Variants in KAZN observed in about 807,000 individuals in gnomAD.
The protein encoded by KAZN is kazrin, periplakin interacting protein.
KAZN carries 40 observed loss-of-function variants against 87.4 expected under a neutral mutation model. The observed-to-expected ratio is 0.46, with a 90% confidence interval of 0.36 to 0.60. The LOEUF (loss-of-function observed/expected upper bound fraction) is 0.60, where lower values mean the gene tolerates loss of function less well. KAZN is among the 20% of genes least tolerant of loss of function. The probability of loss-of-function intolerance (pLI) is 0.00; values close to 1 mark genes in which losing one functional copy is unlikely to be tolerated. For synonymous variants in KAZN, 466 were observed against 458.3 expected (o/e 1.02, Z -0.22); for missense variants, 898 against 1,073.9 (o/e 0.84, Z 2.29).
At chr1:14,369,079 G>A (rs908091837) in intron 2 of KAZN, among the ~76,000 whole-genome samples, 3 of 152,218 alleles carry the variant, frequency 2.0e-5, no homozygotes, top group African/African-American at 7.2e-5. Context: ...GCAACTGCTA[G>A]AGATGGAAGG....
chr1:14,100,818 A>G (rs150183132), intron 1 of KAZN, among the ~76,000 whole-genome samples: 1 of 152,092 alleles, frequency 6.6e-6, no homozygotes, highest in Non-Finnish European at 1.5e-5. Flanking sequence ...TTGAATTCCC[A>G]TGTGTTTGTG....
intron 2 of KAZN, among the ~76,000 whole-genome samples, chr1:14,419,291 CAA>C (rs1393898947): frequency 6.6e-6 from 1 of 152,122 alleles, no homozygotes; most frequent in Non-Finnish European, 1.5e-5. Flanking sequence ...TCATAAAGCG[CAA>C]AAGAAAGAAA....
chr1:14,821,925 G>T (rs906638622), intron 1 of KAZN, among the ~76,000 whole-genome samples: 23 of 152,164 alleles, frequency 1.5e-4, no homozygotes, highest in Non-Finnish European at 2.8e-4. Flanking sequence ...CCAGACACGT[G>T]GTGGTTTTCT....
chr1:13,990,057 A>G (rs1639206646), intron 1 of KAZN, among the ~76,000 whole-genome samples: 1 of 152,242 alleles, frequency 6.6e-6, no homozygotes, highest in East Asian at 1.9e-4. Context: ...GAAACAGAAA[A>G]GAACTTTTCT....
intron 1 of KAZN, among the ~76,000 whole-genome samples, chr1:14,871,091 G>A (rs887200606): frequency 1.3e-5 from 2 of 152,174 alleles, no homozygotes; most frequent in Admixed American, 1.3e-4. Context: ...CCTGAGCCCA[G>A]GTGTGTCTTC....
intron 2 of KAZN, among the ~76,000 whole-genome samples, chr1:14,222,875 G>A (rs769863771): frequency 8.0e-4 from 121 of 152,172 alleles, no homozygotes; most frequent in Non-Finnish European, 1.6e-3. Context: ...TTAAAACTTA[G>A]TATTTATCAT....
rs994676891 is a variant in KAZN at position 13,894,484 on chromosome 1, T to C, written c.91+728T>C. 2.6e-4 allele frequency among the ~76,000 whole-genome samples: 40 copies of C among 152,290 alleles called. 1 individual carries two copies. Among genetic ancestry groups the C allele is most frequent in the Admixed American group, 8.5e-4 (13 of 15,302 alleles). The stretch of plus-strand genomic sequence containing the variant: ...ACAAGTGGTGCTTAAGACATGCTTA[T>C]GATTGGGTTGGAGTCACACACGAAA... On this transcript the variant is annotated intron_variant, in intron 1 of 16. Coordinates refer to the KAZN transcript ENST00000636203.
rs1553151165 is a variant in KAZN at position 14,886,463 on chromosome 1, CAG to C, written c.227-74213_227-74212del. On this transcript the variant is annotated intron_variant, in intron 1 of 14. Coordinates refer to ENST00000376030, the MANE Select transcript of KAZN (RefSeq NM_201628.3). ...ACACACACACACACACACACACACA[CAG>C]AGAGAGACAGAGAGAGAGAGACAGA... Among the ~76,000 whole-genome samples, 419 of 135,984 alleles carry C rather than the reference CAG, an allele frequency of 3.1e-3. 1 individual carries two copies. The highest frequency in any genetic ancestry group is 8.2e-3 in the East Asian group (40 of 4,876). 89.2% of individuals were successfully genotyped at this position (135,984 alleles called of 152,430 possible).
At chr1:14,802,417 A>C (rs1382716088) in intron 1 of KAZN, among the ~76,000 whole-genome samples, 1 of 151,868 alleles carries the variant, frequency 6.6e-6, no homozygotes, top group East Asian at 1.9e-4. Flanking sequence ...AAAAAAAAAA[A>C]AAAAAATTGG....
chr1:14,403,506 T>C (rs532894626), intron 2 of KAZN, among the ~76,000 whole-genome samples: 3 of 152,276 alleles, frequency 2.0e-5, no homozygotes, highest in Admixed American at 2.0e-4. Flanking sequence ...GAAGTAGGTA[T>C]TTGCAACATA....
intron 1 of KAZN, among the ~76,000 whole-genome samples, chr1:14,857,963 C>T (rs1472674612): frequency 2.0e-5 from 3 of 152,136 alleles, no homozygotes. Flanking sequence ...TCTTATCCTC[C>T]CCCGACTTCC....
At chr1:14,745,209 C>T (rs1028920527) in intron 1 of KAZN, among the ~76,000 whole-genome samples, 1 of 149,534 alleles carries the variant, frequency 6.7e-6, no homozygotes, top group Admixed American at 6.7e-5. Context: ...GCGCCAAGAC[C>T]GATCTGCAGC....
At chr1:14,584,495 T>C (rs1675732334) in intron 2 of KAZN, among the ~76,000 whole-genome samples, 1 of 152,188 alleles carries the variant, frequency 6.6e-6, no homozygotes, top group Non-Finnish European at 1.5e-5. Flanking sequence ...TTCCCAGTTG[T>C]GAGAGCCATA....
intron 2 of KAZN, among the ~76,000 whole-genome samples, chr1:14,982,824 C>A (rs1187900802): frequency 6.6e-6 from 1 of 152,182 alleles, no homozygotes; most frequent in Non-Finnish European, 1.5e-5. Flanking sequence ...TGGATCTTCC[C>A]ACTGCCTGAA....
rs768246529 is a variant in KAZN at position 14,599,878 on chromosome 1, G to A, written c.226+655G>A. Among the ~76,000 whole-genome samples, 6 of 152,004 alleles carry A rather than the reference G, an allele frequency of 3.9e-5. No individual in the cohort carries two copies. The East Asian group carries it at 7.7e-4, about 20-fold the overall frequency. On this transcript the variant is annotated intron_variant, in intron 1 of 14. Coordinates refer to ENST00000376030, the MANE Select transcript of KAZN (RefSeq NM_201628.3). This position sits in a 1 kb window ranked among gnomAD's most constrained non-coding sequence, Gnocchi z 4.4. ...ATACTGTAGACCTCAAAGGTTGAGCGGTAGAGAAATGAAGGCTTAGGGTGG... is the reference window on the plus strand; with the variant it reads ...ATACTGTAGACCTCAAAGGTTGAGCAGTAGAGAAATGAAGGCTTAGGGTGG...
At chr1:14,544,066 C>G (rs1243126513) in intron 2 of KAZN, among the ~76,000 whole-genome samples, 4 of 152,072 alleles carry the variant, frequency 2.6e-5, no homozygotes, top group African/African-American at 9.7e-5. Flanking sequence ...TTGAATCAGG[C>G]TTTTCAAAGT....
At chr1:14,109,444 T>A (rs1267825647) in intron 1 of KAZN, among the ~76,000 whole-genome samples, 5 of 152,212 alleles carry the variant, frequency 3.3e-5, no homozygotes, top group African/African-American at 1.2e-4. Context: ...TGTGTGCATG[T>A]GTGTTGAAAC....
chr1:14,622,024 A>T (rs1427010209), intron 1 of KAZN, among the ~76,000 whole-genome samples: 1 of 152,222 alleles, frequency 6.6e-6, no homozygotes, highest in African/African-American at 2.4e-5. Context: ...TAACTTGCAC[A>T]TTGCAGACAG....
At chr1:15,084,715 C>A (rs1406449028) in intron 8 of KAZN, among the ~76,000 whole-genome samples, 1 of 152,152 alleles carries the variant, frequency 6.6e-6, no homozygotes, top group East Asian at 1.9e-4. Flanking sequence ...AGGTCTCATC[C>A]CCACTCCTCT....
Sources: gnomAD v4.1 joint callset for allele counts (sites outside exome capture counted in the v4.1 genomes callset) on GRCh38, gnomAD v4.1.1 for gene constraint, Gnocchi (gnomAD v3.1) non-coding constraint, MANE v1.5 for transcripts, NCBI Gene and HGNC (gene_info 2026-07-23, HGNC 2026-07-21) for gene names.